Variants in CERS3 observed in about 807,000 individuals in gnomAD.
CERS3 encodes the protein LAG1 homolog, ceramide synthase 3.
In CERS3, 33 loss-of-function variants were observed where a neutral mutation model predicts 50.3. The ratio of observed to expected loss-of-function variants is 0.66; its 90% CI spans 0.50 to 0.88. The LOEUF is 0.88. CERS3 is among the 40% of genes least tolerant of loss of function. The pLI, the probability that CERS3 is intolerant of heterozygous loss-of-function variation, is 0.00. For missense variants in CERS3, 470 were observed against 460.3 expected (o/e 1.02, Z -0.19); for synonymous variants, 176 against 155.2 (o/e 1.13, Z -0.99).
At chr15:100,504,926 A>G (rs534717847) in intron 2 of CERS3, among the ~76,000 whole-genome samples, 1 of 152,354 alleles carries the variant, frequency 6.6e-6, no homozygotes, top group South Asian at 2.1e-4. Flanking sequence ...TCTCAGAACA[A>G]GAGCATACAC....
intron 2 of CERS3, among the ~76,000 whole-genome samples, chr15:100,520,960 G>A (rs761298812): frequency 1.3e-5 from 2 of 152,094 alleles, no homozygotes; most frequent in Non-Finnish European, 2.9e-5. Flanking sequence ...AAATTATAAC[G>A]AACAACTGTA....
intron 1 of CERS3, among the ~76,000 whole-genome samples, chr15:100,541,377 C>A (rs2142440260): frequency 6.6e-6 from 1 of 152,186 alleles, no homozygotes; most frequent in South Asian, 2.1e-4. Flanking sequence ...GAGGCTGAGA[C>A]AAGAGAATTC....
chr15:100,416,710 G>T (rs1041058560), intron 11 of CERS3, among the ~76,000 whole-genome samples: 4 of 152,082 alleles, frequency 2.6e-5, no homozygotes, highest in South Asian at 4.2e-4. Context: ...AACAGCATAG[G>T]GCAAACTGCT....
chr15:100,473,455 C>T (rs2035031423), intron 8 of CERS3, among the ~76,000 whole-genome samples: 1 of 152,182 alleles, frequency 6.6e-6, no homozygotes, highest in Non-Finnish European at 1.5e-5. Context: ...ATAAGACAAT[C>T]TAGCCTAAGG....
intron 11 of CERS3, among the ~76,000 whole-genome samples, chr15:100,416,120 A>T (rs1567595190): frequency 9.9e-6 from 1 of 100,972 alleles, no homozygotes; most frequent in Non-Finnish European, 2.3e-5. Context: ...AATTTTTCAC[A>T]GAATTAGAAA....
chr15:100,540,690 T>A (rs561728658), intron 1 of CERS3, among the ~76,000 whole-genome samples: 1 of 152,384 alleles, frequency 6.6e-6, no homozygotes, highest in South Asian at 2.1e-4. Context: ...GAGTTGCGTG[T>A]GGCACACGTG....
chr15:100,479,643 T>C (rs532372577), intron 6 of CERS3, 165 bp from the exon 7 acceptor site: 4 of 608,400 alleles, frequency 6.6e-6, no homozygotes, highest in Non-Finnish European at 8.6e-6. Flanking sequence ...ATTGCACGTA[T>C]TTCTCCCTCT....
At chr15:100,493,885 G>A (rs2035726540) in intron 3 of CERS3, among the ~76,000 whole-genome samples, 1 of 151,980 alleles carries the variant, frequency 6.6e-6, no homozygotes, top group African/African-American at 2.4e-5. Flanking sequence ...TTGATTTGGT[G>A]AGACACTGTT....
Position 100,490,915 on chromosome 15 carries a change from G to C in CERS3, c.190C>G (p.Leu64Val). 2 of 1,596,960 alleles carry C rather than the reference G, an allele frequency of 1.3e-6. No homozygotes were observed. Among genetic ancestry groups the C allele is most frequent in the African/African-American group, 1.3e-5 (1 of 74,162 alleles). ...RVFEKFVASP[L>V]AKSFGIKETV... ...TCTTTAATGCCAAATGATTTTGCTA[G>C]AGGTGAAGCAACAAATCTACAAAAA... The change falls in exon 4 of 12, where the codon CTA becomes GTA. Residue 64 changes from leucine to valine, a missense_variant. Coordinates refer to ENST00000679737, the MANE Select transcript of CERS3 (RefSeq NM_001378789.1).
chr15:100,420,807 T>C (rs1481021625), intron 11 of CERS3, among the ~76,000 whole-genome samples: 1 of 152,056 alleles, frequency 6.6e-6, no homozygotes, highest in Non-Finnish European at 1.5e-5. Context: ...TAATCCAGCA[T>C]ATAAACAGAA....
At chr15:100,436,547 G>A (rs949208747) in intron 11 of CERS3, among the ~76,000 whole-genome samples, 1 of 152,016 alleles carries the variant, frequency 6.6e-6, no homozygotes. Flanking sequence ...TAGGTGATGG[G>A]TTGATAGGTG....
chr15:100,438,207 G>A (rs1451770941), intron 11 of CERS3, among the ~76,000 whole-genome samples: 1 of 151,650 alleles, frequency 6.6e-6, no homozygotes, highest in East Asian at 1.9e-4. Context: ...ACCACGCCCA[G>A]CTAATTTTTG....
At position 100,490,833 on chromosome 15, in the gene CERS3, G is replaced by C. The variant is rs764408513; in HGVS notation, c.272C>G (p.Thr91Arg). 1 of 1,604,744 alleles carries C rather than the reference G, an allele frequency of 6.2e-7. No individual in the cohort carries two copies. The highest frequency in any genetic ancestry group is 2.2e-5 in the East Asian group (1 of 44,708). ...TGTACTTACTTGCAATGGTTGCCTTGTGGAATGTTTGAAAAAATTCTCTAA... is the reference window on the plus strand; with the variant it reads ...TGTACTTACTTGCAATGGTTGCCTTCTGGAATGTTTGAAAAAATTCTCTAA... ...TVLENFFKHS[T>R]RQPLQTDIYG... is the part of the protein sequence containing the mutation. Residue 91 changes from threonine to arginine, a missense_variant, in exon 4 of 12, where the codon ACA (threonine) becomes AGA (arginine). Coordinates refer to ENST00000679737, the MANE Select transcript of CERS3 (RefSeq NM_001378789.1).
chr15:100,424,450 A>G (rs2032675330), intron 11 of CERS3, among the ~76,000 whole-genome samples: 1 of 152,212 alleles, frequency 6.6e-6, no homozygotes, highest in East Asian at 1.9e-4. Flanking sequence ...GGTTGTGACC[A>G]AAATGCTCAT....
chr15:100,441,218 T>G (rs1324122991), intron 11 of CERS3, among the ~76,000 whole-genome samples: 4 of 151,400 alleles, frequency 2.6e-5, no homozygotes, highest in Non-Finnish European at 5.9e-5. Context: ...CCCTTATTTC[T>G]GCACCCCAAC....
intron 2 of CERS3, among the ~76,000 whole-genome samples, chr15:100,516,260 T>A (rs931953111): frequency 1.3e-5 from 2 of 152,196 alleles, no homozygotes; most frequent in African/African-American, 4.8e-5. Context: ...AATGAGTGAA[T>A]GCAGCACTTC....
At chr15:100,426,677 T>C (rs1259981610) in intron 11 of CERS3, among the ~76,000 whole-genome samples, 2 of 152,224 alleles carry the variant, frequency 1.3e-5, no homozygotes, top group Non-Finnish European at 2.9e-5. Context: ...ACTGTATAAC[T>C]GTAGATGACT....
chr15:100,426,582 A>T (rs1252352779), intron 11 of CERS3, among the ~76,000 whole-genome samples: 8 of 152,196 alleles, frequency 5.3e-5, no homozygotes, highest in Non-Finnish European at 8.8e-5. Flanking sequence ...CTCGTAGGTG[A>T]TCTCATTTAG....
chr15:100,473,034 T>C lies in CERS3; in HGVS notation c.628A>G (p.Ile210Val), dbSNP rs1567644327. 1.2e-6 allele frequency: 2 copies of C among 1,613,410 alleles called. No individual in the cohort carries two copies. Among genetic ancestry groups the C allele is most frequent in the Non-Finnish European group, 1.7e-6 (2 of 1,179,790 alleles). ...AGACTAATAGCAGCCAGGTGGTGGA[T>C]GATATGAGCTAGAAAATCCTGTAAG... Reference protein sequence around the residue: ...VKRKDFLAHIIHHLAAISLMS... With the variant: ...VKRKDFLAHIVHHLAAISLMS... The change falls in exon 9 of 12, where the codon ATC becomes GTC. Residue 210 changes from isoleucine (I) to valine (V), a missense_variant. Physicochemically the swap from Ile to Val is conservative, Grantham distance 29. Coordinates refer to ENST00000679737, the MANE Select transcript of CERS3 (RefSeq NM_001378789.1).
Sources: allele counts gnomAD v4.1 joint callset (sites outside exome capture counted in the v4.1 genomes callset), GRCh38; gene constraint gnomAD v4.1.1; transcripts MANE v1.5; gene names NCBI Gene and HGNC (gene_info 2026-07-23, HGNC 2026-07-21).